Variants in NCOR2 observed in about 807,000 individuals in gnomAD.
NCOR2 encodes nuclear receptor corepressor 2.
NCOR2 carries 81 observed loss-of-function variants against 262.9 expected under a neutral mutation model. The ratio of observed to expected loss-of-function variants is 0.31; its 90% CI spans 0.26 to 0.37. NCOR2 has a LOEUF of 0.37. Among genes scored for constraint, NCOR2 ranks in the 10% least tolerant of loss-of-function variants. The pLI, the probability that NCOR2 is intolerant of heterozygous loss-of-function variation, is 1.00. For synonymous variants in NCOR2, 1,659 were observed against 1,559.3 expected, an observed-to-expected ratio of 1.06 and a Z score of -1.51; for missense variants, 3,385 against 3,621.4, an observed-to-expected ratio of 0.93 and a Z score of 1.68.
intron 1 of NCOR2, among the ~76,000 whole-genome samples, chr12:124,510,347 C>G (rs1431955942): frequency 6.6e-6 from 1 of 152,224 alleles, no homozygotes; most frequent in African/African-American, 2.4e-5. Flanking sequence ...GAGCAAATGC[C>G]ACTTCCATCT....
At chr12:124,374,247 C>G (rs572563524) in intron 19 of NCOR2, among the ~76,000 whole-genome samples, 166 bp downstream of exon 21, 1 of 152,354 alleles carries the variant, frequency 6.6e-6, no homozygotes, top group East Asian at 1.9e-4. Context: ...GCATGGGGAA[C>G]AGCCACTGTG....
exon 46 of NCOR2, chr12:124,326,310 G>T: frequency 6.4e-7 from 1 of 1,554,596 alleles, no homozygotes. Context: ...CAGGCCCGGG[G>T]CCGGGGACTT....
intron 16 of NCOR2, among the ~76,000 whole-genome samples, chr12:124,397,244 C>A (rs1028002966): frequency 4.6e-5 from 7 of 152,216 alleles, no homozygotes; most frequent in Non-Finnish European, 8.8e-5. Flanking sequence ...CAGGCACGGC[C>A]GAGGGAGGGA....
intron 1 of NCOR2, among the ~76,000 whole-genome samples, chr12:124,526,455 G>T (rs1321911252): frequency 6.6e-6 from 1 of 152,168 alleles, no homozygotes; most frequent in Non-Finnish European, 1.5e-5. Context: ...CCACTGCCTC[G>T]TACAGGACCT....
intron 16 of NCOR2, among the ~76,000 whole-genome samples, chr12:124,390,841 AAG>A (rs2041251749): frequency 6.6e-6 from 1 of 152,246 alleles, no homozygotes; most frequent in Admixed American, 6.5e-5. Flanking sequence ...TTTCGTTCTG[AAG>A]AGTCAGGAGG....
chr12:124,367,613 C>A (rs1340309941), intron 20 of NCOR2, among the ~76,000 whole-genome samples: 1 of 152,130 alleles, frequency 6.6e-6, no homozygotes, highest in Non-Finnish European at 1.5e-5. Flanking sequence ...TCCACTCTCC[C>A]TTCTTTGTTT....
intron 37 of NCOR2, among the ~76,000 whole-genome samples, chr12:124,339,406 C>CCTA (rs2036217458): frequency 1.6e-5 from 2 of 128,230 alleles, no homozygotes; most frequent in Admixed American, 1.6e-4. Context: ...CTACCTACCA[C>CCTA]CCACCCACCC....
intron 39 of NCOR2, 73 bp downstream of exon 41, chr12:124,335,410 T>G: frequency 6.5e-7 from 1 of 1,539,794 alleles, no homozygotes; most frequent in Non-Finnish European, 8.7e-7. Context: ...TCTGTTTTCC[T>G]ATCTGCATGA....
chr12:124,506,068 C>T (rs991763793), intron 1 of NCOR2, among the ~76,000 whole-genome samples: 28 of 151,996 alleles, frequency 1.8e-4, no homozygotes, highest in African/African-American at 6.8e-4. Context: ...AGCCCCCCAG[C>T]TTCCCCATTC....
chr12:124,352,303 GA>G (rs2037552076), intron 27 of NCOR2, among the ~76,000 whole-genome samples: 2 of 152,084 alleles, frequency 1.3e-5, no homozygotes, highest in Admixed American at 1.3e-4. Context: ...TTGTACTGCA[GA>G]AATCAGTGGC....
At chr12:124,333,888 G>A (rs1047471768) in intron 41 of NCOR2, among the ~76,000 whole-genome samples, 1 of 20,688 alleles carries the variant, frequency 4.8e-5, no homozygotes, top group Non-Finnish European at 1.6e-4. Context: ...GGGTGTGCAT[G>A]TGTGTGTGCG....
chr12:124,418,749 G>A (rs2043047328), intron 13 of NCOR2, among the ~76,000 whole-genome samples: 1 of 152,180 alleles, frequency 6.6e-6, no homozygotes, highest in African/African-American at 2.4e-5. Flanking sequence ...CTTGGCATTA[G>A]GGGTGTCAGA....
intron 14 of NCOR2, among the ~76,000 whole-genome samples, chr12:124,401,455 G>C (rs974179525): frequency 6.6e-6 from 1 of 152,224 alleles, no homozygotes; most frequent in African/African-American, 2.4e-5. Flanking sequence ...GGGGGCGTGG[G>C]CTGGCAGCAA....
At chr12:124,358,625 C>T (rs1167581416) in intron 22 of NCOR2, among the ~76,000 whole-genome samples, 1 of 152,186 alleles carries the variant, frequency 6.6e-6, no homozygotes, top group African/African-American at 2.4e-5. Context: ...AACTGAGGTA[C>T]AGACACACCA....
chr12:124,501,928 C>CG (rs1300180212), intron 1 of NCOR2, among the ~76,000 whole-genome samples: 3 of 152,164 alleles, frequency 2.0e-5, no homozygotes, highest in Admixed American at 1.3e-4. Context: ...GAAGCCGGCC[C>CG]GGGGGGAACT....
chr12:124,340,520 G>C, intron 35 of NCOR2, 77 bp from the exon 38 acceptor site: 1 of 1,562,766 alleles, frequency 6.4e-7, no homozygotes, highest in South Asian at 1.2e-5. Context: ...GTGGGAAAGA[G>C]AGCAGGGCTT....
At chr12:124,455,069 G>A (rs1267643573) in intron 6 of NCOR2, among the ~76,000 whole-genome samples, 2 of 152,166 alleles carry the variant, frequency 1.3e-5, no homozygotes, top group African/African-American at 4.8e-5. Context: ...CATATTGCAA[G>A]ATTCCATTTA....
At chr12:124,359,163 C>T (rs949527024) in intron 22 of NCOR2, among the ~76,000 whole-genome samples, 4 of 152,228 alleles carry the variant, frequency 2.6e-5, no homozygotes, top group African/African-American at 9.6e-5. Context: ...TGAAATCTGT[C>T]CTCAGCTCTG....
At chr12:124,386,570 C>G (rs1373712849) in intron 16 of NCOR2, among the ~76,000 whole-genome samples, 1 of 152,202 alleles carries the variant, frequency 6.6e-6, no homozygotes, top group African/African-American at 2.4e-5. Flanking sequence ...AACCCCAACC[C>G]GCACAACCAG....
Sources: allele counts gnomAD v4.1 joint callset (sites outside exome capture counted in the v4.1 genomes callset), GRCh38; gene constraint gnomAD v4.1.1; transcripts MANE v1.5; gene names NCBI Gene and HGNC (gene_info 2026-07-23, HGNC 2026-07-21).